PLAC1: variants seen among roughly 807,000 people sequenced by gnomAD.
PLAC1 encodes the protein placenta-specific protein 1.
For synonymous variants in PLAC1, 68 were observed against 62.1 expected (o/e 1.09, Z -0.44); for missense variants, 136 against 163.2 (o/e 0.83, Z 0.91).
At chrX:134,722,673 G>A (rs2078661641) in intron 2 of PLAC1, among the ~76,000 whole-genome samples, 1 of 111,455 alleles carries the variant, frequency 9.0e-6, no homozygotes, top group Admixed American at 9.6e-5. Context: ...TGCATTCTAT[G>A]GTATATGAAT....
intron 1 of PLAC1, among the ~76,000 whole-genome samples, chrX:134,615,287 A>T (rs750327806): frequency 8.9e-6 from 1 of 111,947 alleles, no homozygotes; most frequent in East Asian, 2.8e-4. Context: ...GATGTAGGGG[A>T]TATCTCATTG....
intron 1 of PLAC1, among the ~76,000 whole-genome samples, chrX:134,625,587 A>G (rs1009956562): frequency 5.4e-5 from 6 of 111,781 alleles, no homozygotes. Context: ...TTCTTTGTCA[A>G]TTGTGAAACA....
chrX:134,629,035 A>T (rs901000661), intron 1 of PLAC1, among the ~76,000 whole-genome samples: 3 of 111,949 alleles, frequency 2.7e-5, no homozygotes, highest in African/African-American at 9.7e-5. Context: ...AAATTCCTCT[A>T]ATGTCCACTA....
intron 1 of PLAC1, among the ~76,000 whole-genome samples, chrX:134,644,557 C>T (rs1569396161): frequency 2.7e-5 from 3 of 110,090 alleles, no homozygotes; most frequent in East Asian, 2.9e-4. Context: ...AGGTATTAAG[C>T]CCTGCATGCA....
intron 1 of PLAC1, among the ~76,000 whole-genome samples, chrX:134,629,942 A>C (rs1307984345): frequency 2.4e-5 from 2 of 83,295 alleles, no homozygotes; most frequent in East Asian, 7.5e-4. Context: ...ATCAGTTATT[A>C]TTTCTTTCTT....
chrX:134,682,195 T>C (rs1261823798), intron 2 of PLAC1, among the ~76,000 whole-genome samples: 1 of 112,749 alleles, frequency 8.9e-6, no homozygotes, highest in Non-Finnish European at 1.9e-5. Flanking sequence ...AATGGTGATA[T>C]TTTAATTCTA....
At chrX:134,763,411 G>C (rs902175608) in intron 1 of PLAC1, among the ~76,000 whole-genome samples, 1 of 111,637 alleles carries the variant, frequency 9.0e-6, no homozygotes, top group African/African-American at 3.3e-5. Flanking sequence ...AGATAGGTAA[G>C]CAAACCAGGC....
intron 2 of PLAC1, among the ~76,000 whole-genome samples, chrX:134,702,984 T>C: frequency 8.9e-6 from 1 of 111,991 alleles, no homozygotes; most frequent in Non-Finnish European, 1.9e-5. Flanking sequence ...TTGAATACTT[T>C]AGAGAGGCAT....
At chrX:134,586,673 T>C (rs1356804256) in intron 2 of PLAC1, among the ~76,000 whole-genome samples, 1 of 98,419 alleles carries the variant, frequency 1.0e-5, no homozygotes, top group East Asian at 3.1e-4. Context: ...TTCTTTTCTT[T>C]TTTTTTTTTT....
At chrX:134,706,463 CAGA>C (rs1385907087) in intron 2 of PLAC1, among the ~76,000 whole-genome samples, 1 of 112,286 alleles carries the variant, frequency 8.9e-6, no homozygotes, top group East Asian at 2.8e-4. Flanking sequence ...CCTGCTAAAA[CAGA>C]AGATTTCAAT....
At position 134,720,748 on chromosome X, in the gene PLAC1, C is replaced by T. The variant is rs181942797; in HGVS notation, n.174+12687G>A. On this transcript the variant is annotated intron_variant and non_coding_transcript_variant, in intron 2 of 2. Coordinates refer to the PLAC1 transcript ENST00000466797. ...ATAGCTTAATGCAGCCTTGACCTCC[C>T]GGGCTCAAGCCATCCTTCCACTTCA... Among the ~76,000 whole-genome samples, 286 of 112,486 alleles carry T rather than the reference C, an allele frequency of 2.5e-3. 2 individuals are homozygous for T. The highest frequency in any genetic ancestry group is 8.8e-3 in the African/African-American group (274 of 31,020).
intron 2 of PLAC1, among the ~76,000 whole-genome samples, chrX:134,682,787 T>C (rs1180215876): frequency 1.8e-5 from 2 of 110,996 alleles, no homozygotes; most frequent in Non-Finnish European, 3.8e-5. Flanking sequence ...AACTCCTGAA[T>C]TCAGGTGATC....
chrX:134,687,425 C>T (rs1175515113), intron 2 of PLAC1, among the ~76,000 whole-genome samples: 1 of 110,356 alleles, frequency 9.1e-6, no homozygotes, highest in African/African-American at 3.3e-5. Context: ...CTATCATTAG[C>T]GTTAGTGTAT....
intron 1 of PLAC1, among the ~76,000 whole-genome samples, chrX:134,736,752 C>T (rs976933630): frequency 4.5e-5 from 5 of 112,114 alleles, no homozygotes; most frequent in Admixed American, 1.9e-4. Context: ...GTTGTCTGGC[C>T]GGCACAGCTG....
At chrX:134,590,845 G>T (rs985820653) in intron 2 of PLAC1, among the ~76,000 whole-genome samples, 12 of 109,760 alleles carry the variant, frequency 1.1e-4, no homozygotes, top group African/African-American at 3.3e-4. Flanking sequence ...GACCTCAAGT[G>T]ATCCACCCTC....
chrX:134,731,673 T>C (rs900814762), intron 2 of PLAC1, among the ~76,000 whole-genome samples: 2 of 111,268 alleles, frequency 1.8e-5, no homozygotes, highest in Non-Finnish European at 3.8e-5. Context: ...GTCTATTTGG[T>C]GGGATTTCTG....
chrX:134,754,435 T>C (rs1259301736), intron 1 of PLAC1, among the ~76,000 whole-genome samples: 1 of 111,421 alleles, frequency 9.0e-6, no homozygotes, highest in Non-Finnish European at 1.9e-5. Flanking sequence ...ATTGGATCGA[T>C]CTATAATTAT....
chrX:134,618,106 C>T lies in PLAC1; in HGVS notation c.-130-15984G>A, dbSNP rs149203846. On this transcript the variant is annotated intron_variant, in intron 1 of 2. Coordinates refer to ENST00000359237, the MANE Select transcript of PLAC1 (RefSeq NM_021796.4). ...CCTCCCTTTTCCCTACATAGAACTT[C>T]TGGGTTTAATAGTCAAACATGGTTT... Among the ~76,000 whole-genome samples the T allele has an allele frequency of 6.4e-3, 717 of 112,200 alleles. 4 individuals carry two copies. The highest frequency in any genetic ancestry group is 0.011 in the Non-Finnish European group (595 of 53,230).
intron 1 of PLAC1, among the ~76,000 whole-genome samples, chrX:134,638,365 T>A (rs4463588): frequency 0.13 from 14,783 of 112,069 alleles, 2,385 homozygotes; most frequent in African/African-American, 0.45. Context: ...TTCTAAGATA[T>A]TTTTTTGTGA....
Sources: allele counts gnomAD v4.1 joint callset (sites outside exome capture counted in the v4.1 genomes callset), GRCh38; gene constraint gnomAD v4.1.1; transcripts MANE v1.5; gene names NCBI Gene and HGNC (gene_info 2026-07-23, HGNC 2026-07-21).